The following PIN1 variants were observed in gnomAD, a reference collection of about 807,000 sequenced individuals.
PIN1 encodes peptidyl-prolyl cis-trans isomerase NIMA-interacting 1.
Under a neutral mutation model 19.9 loss-of-function variants are expected in PIN1, and 8 were observed. The ratio of observed to expected loss-of-function variants is 0.40; its 90% CI spans 0.24 to 0.72. The LOEUF (loss-of-function observed/expected upper bound fraction) is 0.72, where lower values mean the gene tolerates loss of function less well. Among genes scored for constraint, PIN1 ranks in the 30% least tolerant of loss-of-function variants. The pLI, the probability that PIN1 is intolerant of heterozygous loss-of-function variation, is 0.37. For missense variants in PIN1, 185 were observed against 226.5 expected (o/e 0.82, Z 1.18); for synonymous variants, 86 against 90.8 (o/e 0.95, Z 0.30).
chr19:9,848,091 C>T lies in PIN1; in HGVS notation c.333C>T (p.Ser111=), dbSNP rs1319235991. ...EDFESLASQF[S]DCSSAKARGD... is the part of the protein sequence containing the mutation. ...TTGAGTCTCTGGCCTCACAGTTCAG[C>T]GACTGCAGCTCAGCCAAGGCCAGGG... The change falls in exon 3 of 4, where the codon AGC becomes AGT. Residue 111 remains serine, a synonymous_variant. Coordinates refer to ENST00000247970, the MANE Select transcript of PIN1 (RefSeq NM_006221.4). 6.8e-6 allele frequency: 11 copies of T among 1,613,398 alleles called. No homozygotes were observed. Among genetic ancestry groups the T allele is most frequent in the East Asian group, 2.2e-5 (1 of 44,876 alleles).
chr19:9,849,398 G>T lies in PIN1; in HGVS notation c.*199G>T, dbSNP rs1417179703. 9.7e-6 allele frequency: 7 copies of T among 723,760 alleles called. No individual in the cohort carries two copies. In the South Asian group the frequency reaches 1.0e-4, roughly 10 times the overall value. The allele number at this position is 723,760 out of a possible 1,614,324, so 44.8% of individuals were successfully genotyped here. A position where few individuals can be genotyped will look rare whatever the true frequency, so the allele number is the denominator to read the frequency against. ...CCACTCCCTGTCCATCCCCAGTTGG[G>T]GCTGCGACCGCCAGATTCTCCCTTA... On this transcript the variant is annotated 3_prime_UTR_variant, in exon 4 of 4. Transcript: ENST00000247970.
chr19:9,835,435 C>G, intron 1 of PIN1, 33 bp downstream of exon 1: 1 of 1,401,086 alleles, frequency 7.1e-7, no homozygotes, highest in South Asian at 1.4e-5. Flanking sequence ...GGCGGGACTG[C>G]GCGGGCCCGC....
intron 2 of PIN1, among the ~76,000 whole-genome samples, chr19:9,840,488 CCAAA>C (rs1158931765): frequency 6.6e-6 from 1 of 152,234 alleles, no homozygotes; most frequent in African/African-American, 2.4e-5. Context: ...TGTCCCTACT[CCAAA>C]CAACCCATCT....
intron 2 of PIN1, among the ~76,000 whole-genome samples, chr19:9,845,520 C>T (rs114388710): frequency 0.014 from 2,060 of 152,040 alleles, 40 homozygotes; most frequent in African/African-American, 0.047. Context: ...AAAAAAAAAT[C>T]ATTCCAGCTA....
At chr19:9,836,608 C>G (rs2046108529) in intron 1 of PIN1, 2 of 321,712 alleles carry the variant, frequency 6.2e-6, no homozygotes, top group Non-Finnish European at 1.3e-5. Flanking sequence ...AACTGTCAGC[C>G]TTTGGAGTGG....
At position 9,838,483 on chromosome 19, in the gene PIN1, C is replaced by T. The variant is rs370116472; in HGVS notation, c.106C>T (p.Arg36Trp). The T allele has an allele frequency of 1.9e-6, 3 of 1,609,086 alleles. No individual in the cohort carries two copies. The highest frequency in any genetic ancestry group is 8.5e-7 in the Non-Finnish European group (1 of 1,178,594). Residue 36 changes from arginine (R) to tryptophan (W), a missense_variant, in exon 2 of 4, where the codon CGG becomes TGG. Arg to Trp is a moderately radical substitution (Grantham distance 101). Transcript: ENST00000247970. The surrounding 1 kb of genome is among the most constrained non-coding windows in gnomAD (Gnocchi z 5.8). ...NHITNASQWE[R>W]PSGNSSSGGK... ...CATCACTAACGCCAGCCAGTGGGAG[C>T]GGCCCAGCGGCAACAGCAGCAGTGG... is the stretch of plus-strand genomic sequence containing the variant.
intron 1 of PIN1, chr19:9,837,779 C>G (rs2046124160): frequency 6.5e-6 from 1 of 153,506 alleles, no homozygotes; most frequent in African/African-American, 2.4e-5. Flanking sequence ...ATTACAGGTG[C>G]CTGCCACCAT....
rs774871613 is a variant in PIN1, at chr19:9,849,295, C to T, written c.*96C>T. ...CAGCCAGTGGCCGAACCCCCCACTC[C>T]CTGCCACCGTCACACAGTATTTATT... On this transcript the variant is annotated 3_prime_UTR_variant, in exon 4 of 4. Transcript: ENST00000247970. 3 of 790,220 alleles carry T rather than the reference C, an allele frequency of 3.8e-6. No homozygotes were observed. The highest frequency in any genetic ancestry group is 2.9e-5 in the South Asian group (2 of 70,002). The allele number at this position is 790,220 out of a possible 1,614,324, so 49.0% of individuals were successfully genotyped here. A position where few individuals can be genotyped will look rare whatever the true frequency, so the allele number is the denominator to read the frequency against.
At chr19:9,842,929 C>T (rs1841685635) in intron 2 of PIN1, among the ~76,000 whole-genome samples, 4 of 152,330 alleles carry the variant, frequency 2.6e-5, no homozygotes, top group East Asian at 3.9e-4. Context: ...GCCCTTGCCC[C>T]GAAGGGACAG....
intron 2 of PIN1, 50 bp from the exon 3 acceptor site, chr19:9,847,980 G>C (rs577766712): frequency 2.5e-6 from 3 of 1,188,674 alleles, no homozygotes; most frequent in East Asian, 2.3e-5. Context: ...GTCTGGTCAG[G>C]CCCCCCCCAA....
intron 2 of PIN1, among the ~76,000 whole-genome samples, chr19:9,845,546 C>G (rs2046213114): frequency 6.6e-6 from 1 of 151,982 alleles, no homozygotes; most frequent in African/African-American, 2.4e-5. Context: ...GAGGCTGAGG[C>G]AAGAGGATTG....
At chr19:9,835,742 C>T (rs1462344235) in intron 1 of PIN1, 2 of 342,112 alleles carry the variant, frequency 5.8e-6, no homozygotes, top group South Asian at 1.2e-4. Context: ...CCCGGGGGCA[C>T]CCCTGGGAGG....
rs539464169 is a variant in PIN1, at chr19:9,838,786, A to T, written c.271+138A>T. On this transcript the variant is annotated intron_variant, in intron 2 of 3. Transcript: ENST00000247970. The surrounding 1 kb of genome is among the most constrained non-coding windows in gnomAD (Gnocchi z 5.8). ...GCCAACACAAAAACGCCAGTGCATGACCTGACCCTGACCTTCACAGCAGCC... is the reference window on the plus strand; with the variant it reads ...GCCAACACAAAAACGCCAGTGCATGTCCTGACCCTGACCTTCACAGCAGCC... 21 of 654,874 alleles carry T rather than the reference A, an allele frequency of 3.2e-5. No individual in the cohort carries two copies. In the East Asian group the frequency reaches 4.7e-4, roughly 15 times the overall value. The allele number at this position is 654,874 out of a possible 1,614,324, so 40.6% of individuals were successfully genotyped here.
chr19:9,845,377 T>TTTTGTTTGTTTG (rs58093619), intron 2 of PIN1, among the ~76,000 whole-genome samples: 1 of 48,452 alleles, frequency 2.1e-5, no homozygotes, highest in Admixed American at 3.2e-4. Flanking sequence ...GAAAGCGTTT[T>TTTTGTTTGTTTG]TTTGTTTGTT....
chr19:9,838,312 C>T lies in PIN1; in HGVS notation c.59-124C>T. 1.3e-6 allele frequency: 1 copy of T among 754,372 alleles called. No individual in the cohort carries two copies. The highest frequency in any genetic ancestry group is 2.4e-6 in the Non-Finnish European group (1 of 421,990). The allele number at this position is 754,372 out of a possible 1,614,324, so 46.7% of individuals were successfully genotyped here. On this transcript the variant is annotated intron_variant, in intron 1 of 3. Transcript: ENST00000247970. The surrounding 1 kb of genome is among the most constrained non-coding windows in gnomAD (Gnocchi z 5.8). Reference sequence around the variant, plus strand: ...GAGCCTGTGGCACATGGTGGATACACCATGGATTTGTTGAATGAAGGCGCC... The same window carrying T: ...GAGCCTGTGGCACATGGTGGATACATCATGGATTTGTTGAATGAAGGCGCC...
At chr19:9,839,407 C>A in intron 2 of PIN1, among the ~76,000 whole-genome samples, 1 of 143,816 alleles carries the variant, frequency 7.0e-6, no homozygotes. Context: ...CAAAGTGAGG[C>A]ACCATCTCAA....
Position 9,838,632 on chromosome 19 carries a change from C to G in PIN1, c.255C>G (p.Ala85=). Residue 85 remains alanine (A), a synonymous_variant, in exon 2 of 4, where the codon GCC becomes GCG. Coordinates refer to ENST00000247970, the MANE Select transcript of PIN1 (RefSeq NM_006221.4). The surrounding 1 kb of genome is among the most constrained non-coding windows in gnomAD (Gnocchi z 5.8). ...AGATCACCCGGACCAAGGAGGAGGC[C>G]CTGGAGCTGATCAACGGTGAGCAGG... is the stretch of plus-strand genomic sequence containing the variant. The part of the protein sequence containing the change: ...QEKITRTKEE[A]LELINGYIQK... 1 of 1,545,554 alleles carries G rather than the reference C, an allele frequency of 6.5e-7. No homozygotes were observed. Among genetic ancestry groups the G allele is most frequent in the Non-Finnish European group, 8.7e-7 (1 of 1,147,082 alleles).
intron 2 of PIN1, among the ~76,000 whole-genome samples, chr19:9,839,244 G>A (rs942329372): frequency 7.2e-5 from 11 of 152,030 alleles, no homozygotes; most frequent in African/African-American, 2.7e-4. Context: ...GATTAGCCTG[G>A]GCAGTATGGT....
At chr19:9,845,377 TTTTGTTTG>T (rs58093619) in intron 2 of PIN1, among the ~76,000 whole-genome samples, 103 of 48,530 alleles carry the variant, frequency 2.1e-3, no homozygotes, top group Middle Eastern at 9.8e-3. Flanking sequence ...GAAAGCGTTT[TTTTGTTTG>T]TTTGTTTGTT....
Sources: allele counts gnomAD v4.1 joint callset (sites outside exome capture counted in the v4.1 genomes callset), GRCh38; gene constraint gnomAD v4.1.1; non-coding constraint Gnocchi (gnomAD v3.1); transcripts MANE v1.5; gene names NCBI Gene and HGNC (gene_info 2026-07-23, HGNC 2026-07-21).